The following CCDC30 variants were observed in gnomAD, a reference collection of about 807,000 sequenced individuals.
CCDC30 encodes coiled-coil domain-containing protein 30.
CCDC30 carries 70 observed loss-of-function variants against 100.2 expected under a neutral mutation model. That is an observed-to-expected ratio of 0.70 (90% CI 0.58 to 0.85). The LOEUF is 0.85. Among genes scored for constraint, CCDC30 ranks in the 40% least tolerant of loss-of-function variants. CCDC30 has a pLI of 0.00. For synonymous variants in CCDC30, 233 were observed against 269.5 expected, an observed-to-expected ratio of 0.86 and a Z score of 1.33; for missense variants, 652 against 771.2, an observed-to-expected ratio of 0.85 and a Z score of 1.83.
chr1:42,596,503 G>A lies in CCDC30; in HGVS notation c.1164+7020G>A, dbSNP rs983191492. 1.3e-5 allele frequency among the ~76,000 whole-genome samples: 2 copies of A among 151,778 alleles called. No homozygotes were observed. Among genetic ancestry groups the A allele is most frequent in the Non-Finnish European group, 2.9e-5 (2 of 67,994 alleles). ...AACTCCAGCCAACTCTAGCCATCTC[G>A]TCCCACAAAAGGGAGGTGGGTGGAG... On this transcript the variant is annotated intron_variant, in intron 10 of 16. Coordinates refer to ENST00000668663, the Ensembl canonical transcript of CCDC30. The surrounding 1 kb of genome is among the most constrained non-coding windows in gnomAD (Gnocchi z 4.3).
intron 6 of CCDC30, among the ~76,000 whole-genome samples, chr1:42,516,615 C>A (rs1644558979): frequency 6.6e-6 from 1 of 150,632 alleles, no homozygotes; most frequent in African/African-American, 2.4e-5. Context: ...TGGTTTCTCT[C>A]TTGCCTTCTC....
intron 8 of CCDC30, chr1:42,580,995 C>T (rs1282915584): frequency 8.2e-6 from 3 of 367,710 alleles, no homozygotes; most frequent in South Asian, 4.1e-5. Context: ...CTCACCACCA[C>T]GCCCGGCTAA....
intron 6 of CCDC30, among the ~76,000 whole-genome samples, chr1:42,499,952 C>T (rs1557807799): frequency 6.6e-6 from 1 of 152,170 alleles, no homozygotes; most frequent in African/African-American, 2.4e-5. Flanking sequence ...TCGTCCCACC[C>T]CACTTCTTCT....
At chr1:42,484,529 T>G (rs1181869649) in intron 3 of CCDC30, among the ~76,000 whole-genome samples, 1 of 152,184 alleles carries the variant, frequency 6.6e-6, no homozygotes, top group Non-Finnish European at 1.5e-5. Context: ...ACGTATCAAC[T>G]GAAAGCCATC....
chr1:42,563,706 G>A (rs1312356533), intron 6 of CCDC30, among the ~76,000 whole-genome samples: 9 of 152,004 alleles, frequency 5.9e-5, no homozygotes, highest in Non-Finnish European at 8.8e-5. Flanking sequence ...GTGAAACCCC[G>A]TCTCTACTAA....
chr1:42,591,516 G>A (rs553795053), intron 10 of CCDC30: 3 of 152,448 alleles, frequency 2.0e-5, no homozygotes, highest in African/African-American at 7.2e-5. Flanking sequence ...GAATGCAAGA[G>A]TGAAGGAGGC....
rs147940854 is a variant in CCDC30 at position 42,478,046 on chromosome 1, C to T, written c.-91-2415C>T. On this transcript the variant is annotated intron_variant, in intron 1 of 16. Transcript: ENST00000668663. ...GCTAAACTAAGGCATTTGGATTTGACACCTGGACTATGCTTGATGTTCCTG... is the reference window on the plus strand; with the variant it reads ...GCTAAACTAAGGCATTTGGATTTGATACCTGGACTATGCTTGATGTTCCTG... 2.3e-3 allele frequency among the ~76,000 whole-genome samples: 344 copies of T among 152,278 alleles called. 2 individuals are homozygous for T. The highest frequency in any genetic ancestry group is 8.0e-3 in the African/African-American group (331 of 41,548).
upstream of CCDC30, chr1:42,460,041 AGTG>A: frequency 4.2e-6 from 6 of 1,434,440 alleles, no homozygotes; most frequent in Non-Finnish European, 5.5e-6. Context: ...GGGAAAAGGC[AGTG>A]GTGTGTAGGC....
chr1:42,593,657 C>G (rs548473148), intron 10 of CCDC30: 9 of 152,382 alleles, frequency 5.9e-5, no homozygotes, highest in African/African-American at 2.2e-4. Flanking sequence ...CAGAGTCTCC[C>G]CACCCCTCTG....
At chr1:42,642,349 C>T (rs61683464) in intron 12 of CCDC30, 124 bp from the exon 17 acceptor site, 63 of 750,350 alleles carry the variant, frequency 8.4e-5, no homozygotes, top group African/African-American at 7.5e-4. Context: ...TAGAAACAGA[C>T]TAGGGGACAG....
intron 11 of CCDC30, among the ~76,000 whole-genome samples, chr1:42,614,743 T>A (rs1052844614): frequency 1.9e-4 from 29 of 150,784 alleles, no homozygotes; most frequent in Non-Finnish European, 8.8e-5. Context: ...GCCAAGATCA[T>A]GCCACTGCAC....
chr1:42,473,020 T>C, intron 1 of CCDC30: 1 of 1,076,576 alleles, frequency 9.3e-7, no homozygotes, highest in South Asian at 4.8e-5. Context: ...TAAAGACTAG[T>C]ACTCTAATAA....
chr1:42,458,634 C>G (rs1344956660), upstream of CCDC30, among the ~76,000 whole-genome samples: 1 of 152,136 alleles, frequency 6.6e-6, no homozygotes, highest in Non-Finnish European at 1.5e-5. Context: ...GTATATGATC[C>G]CTATCACACT....
At chr1:42,649,018 C>A (rs1004748569) in intron 15 of CCDC30, among the ~76,000 whole-genome samples, 1 of 151,932 alleles carries the variant, frequency 6.6e-6, no homozygotes, top group Non-Finnish European at 1.5e-5. Flanking sequence ...AAAACTTCAA[C>A]AAACGAATAA....
At chr1:42,542,567 G>A (rs1393152053) in intron 6 of CCDC30, among the ~76,000 whole-genome samples, 1 of 55,398 alleles carries the variant, frequency 1.8e-5, no homozygotes, top group Non-Finnish European at 3.6e-5. Context: ...TTTTTGAGAC[G>A]GAGTCTCGCT....
chr1:42,655,379 C>A (rs899976797), downstream of CCDC30, among the ~76,000 whole-genome samples: 28 of 151,846 alleles, frequency 1.8e-4, 1 homozygote, highest in African/African-American at 4.6e-4. Context: ...CCGTCTCTAA[C>A]AAAAATACAA....
chr1:42,492,936 C>T (rs151005163), intron 4 of CCDC30, among the ~76,000 whole-genome samples: 257 of 152,066 alleles, frequency 1.7e-3, no homozygotes, highest in African/African-American at 4.9e-3. Flanking sequence ...TGAGCCACCG[C>T]ACCCGGCCTA....
intron 3 of CCDC30, among the ~76,000 whole-genome samples, chr1:42,483,180 C>T (rs1643993214): frequency 6.6e-6 from 1 of 152,136 alleles, no homozygotes; most frequent in Admixed American, 6.6e-5. Flanking sequence ...CTATGGTTTG[C>T]TTCTCCTGCT....
chr1:42,626,874 TC>T (rs1329574779), intron 11 of CCDC30, among the ~76,000 whole-genome samples: 12 of 152,158 alleles, frequency 7.9e-5, no homozygotes, highest in Non-Finnish European at 1.3e-4. Flanking sequence ...CTCTTTTTAT[TC>T]CCAGTTTCAG....
Sources: gnomAD v4.1 joint callset for allele counts (sites outside exome capture counted in the v4.1 genomes callset) on GRCh38, gnomAD v4.1.1 for gene constraint, Gnocchi (gnomAD v3.1) non-coding constraint, MANE v1.5 for transcripts, NCBI Gene and HGNC (gene_info 2026-07-23, HGNC 2026-07-21) for gene names.